AGAP4: variants seen among roughly 807,000 people sequenced by gnomAD.
AGAP4 encodes arf-GAP with GTPase, ANK repeat and PH domain-containing protein 4.
In AGAP4, 13 loss-of-function variants were observed where a neutral mutation model predicts 60.7. That is an observed-to-expected ratio of 0.21 (90% CI 0.14 to 0.34). AGAP4 has a LOEUF of 0.34. Ranked by LOEUF, AGAP4 falls within the 10% of genes least tolerant of loss-of-function variation. The probability of loss-of-function intolerance (pLI) is 1.00; values close to 1 mark genes in which losing one functional copy is unlikely to be tolerated. For synonymous variants in AGAP4, 70 were observed against 339.0 expected, an observed-to-expected ratio of 0.21 and a Z score of 8.72; for missense variants, 169 against 884.0, an observed-to-expected ratio of 0.19 and a Z score of 10.26.
chr10:45,854,004 A>G, upstream of AGAP4: 4 of 590,448 alleles, frequency 6.8e-6, no homozygotes, highest in Non-Finnish European at 9.4e-6. Context: ...GAGATGAGTG[A>G]CCCCATTTTA....
At chr10:45,849,920 T>C (rs1243498143), upstream of AGAP4, among the ~76,000 whole-genome samples, 1 of 151,124 alleles carries the variant, frequency 6.6e-6, no homozygotes, top group African/African-American at 2.4e-5. Flanking sequence ...ATTCGTATAT[T>C]TTTAAAAGAA....
At position 45,831,355 on chromosome 10, in the gene AGAP4, C is replaced by T. The variant is rs1216818715; in HGVS notation, c.533+39G>A. 23 of 1,542,494 alleles carry T rather than the reference C, an allele frequency of 1.5e-5. 1 individual carries two copies. Among genetic ancestry groups the T allele is most frequent in the Middle Eastern group, 1.9e-4 (1 of 5,202 alleles). ...ACTGAGCTTGATATCTTGCAAAGTA[C>T]TTAGCTAGAATAACAAGACAGGTTT... On this transcript the variant is annotated intron_variant, in intron 6 of 7. Coordinates refer to ENST00000616763, the MANE Select transcript of AGAP4 (RefSeq NM_001276343.3).
upstream of AGAP4, among the ~76,000 whole-genome samples, chr10:45,851,183 C>T (rs2917178): frequency 0.012 from 1,765 of 151,680 alleles, 40 homozygotes; most frequent in East Asian, 0.069. Flanking sequence ...CCCTGAGAAG[C>T]TGTGTATAGT....
At chr10:45,834,739 A>G (rs1313427645) in intron 4 of AGAP4, among the ~76,000 whole-genome samples, 6 of 137,116 alleles carry the variant, frequency 4.4e-5, no homozygotes, top group Non-Finnish European at 7.6e-5. Flanking sequence ...TTCTGCAGCA[A>G]TAAAAAGCAG....
chr10:45,841,743 A>T, intron 3 of AGAP4, 56 bp from the exon 4 acceptor site: 1 of 621,618 alleles, frequency 1.6e-6, no homozygotes, highest in Non-Finnish European at 2.7e-6. Flanking sequence ...ATAAAATAAA[A>T]GTAGTTGTTA....
intron 6 of AGAP4, among the ~76,000 whole-genome samples, chr10:45,829,370 T>C (rs1220761264): frequency 6.9e-6 from 1 of 145,610 alleles, no homozygotes; most frequent in African/African-American, 2.5e-5. Flanking sequence ...GTGATTTAAC[T>C]GTGAACTGAA....
intron 6 of AGAP4, among the ~76,000 whole-genome samples, chr10:45,830,765 G>A (rs1287517850): frequency 0.014 from 1,853 of 127,862 alleles, 122 homozygotes; most frequent in Non-Finnish European, 0.023. Context: ...GATTACAGGC[G>A]TGAGCCACCG....
intron 4 of AGAP4, among the ~76,000 whole-genome samples, chr10:45,838,090 T>C (rs1376592022): frequency 6.7e-6 from 1 of 150,030 alleles, no homozygotes; most frequent in Non-Finnish European, 1.5e-5. Context: ...CATATATATA[T>C]ATATATGAGG....
intron 5 of AGAP4, among the ~76,000 whole-genome samples, chr10:45,831,903 A>G (rs1159565658): frequency 6.8e-6 from 1 of 147,580 alleles, no homozygotes; most frequent in Non-Finnish European, 1.5e-5. Context: ...CTATGCCCAG[A>G]TAATGTTTTT....
Position 45,826,947 on chromosome 10 carries a change from C to T in AGAP4, c.1029G>A (p.Lys343=). The T allele has an allele frequency of 7.2e-7, 1 of 1,397,614 alleles. No homozygotes were observed. Among genetic ancestry groups the T allele is most frequent in the Non-Finnish European group, 9.8e-7 (1 of 1,017,910 alleles). 86.6% of individuals were successfully genotyped at this position (1,397,614 alleles called of 1,614,324 possible). A position where few individuals can be genotyped will look rare whatever the true frequency, so the allele number is the denominator to read the frequency against. The change falls in exon 8 of 8, where the codon AAG becomes AAA. Residue 343 remains lysine, a synonymous_variant. Transcript: ENST00000616763. ...AGGCCGATGTGGCTAGGGATGGCCA[C>T]TTTCCTGGGACTTTGATGGTAGATG... is the stretch of plus-strand genomic sequence containing the variant. ...LQTSTIKVPG[K]WPSLATSACT...
chr10:45,849,370 A>G (rs1300114822), upstream of AGAP4, among the ~76,000 whole-genome samples: 2 of 151,782 alleles, frequency 1.3e-5, no homozygotes, highest in Non-Finnish European at 2.9e-5. Context: ...GGGGATTATA[A>G]TTCATGATGA....
chr10:45,844,259 T>C (rs1405782151), intron 3 of AGAP4, 67 bp downstream of exon 3: 12 of 1,577,378 alleles, frequency 7.6e-6, no homozygotes, highest in Non-Finnish European at 1.0e-5. Context: ...TTCTAAATAC[T>C]TTCTATAACC....
At chr10:45,840,128 T>C (rs1481140825) in intron 4 of AGAP4, among the ~76,000 whole-genome samples, 344 of 148,242 alleles carry the variant, frequency 2.3e-3, no homozygotes, top group African/African-American at 7.4e-3. Flanking sequence ...TGTTATAAAA[T>C]TTCAGAACCT....
chr10:45,850,059 AGCTGG>A (rs1409863482), upstream of AGAP4, among the ~76,000 whole-genome samples: 2 of 151,552 alleles, frequency 1.3e-5, no homozygotes, highest in East Asian at 3.9e-4. Flanking sequence ...CCTCCCAAGT[AGCTGG>A]GATTACAGGA....
intron 6 of AGAP4, among the ~76,000 whole-genome samples, chr10:45,829,359 C>T (rs1484862904): frequency 5.5e-5 from 8 of 144,196 alleles, no homozygotes; most frequent in African/African-American, 7.7e-5. Flanking sequence ...TTAAAGAATC[C>T]GTGATTTAAC....
chr10:45,830,939 A>C (rs1407031865), intron 6 of AGAP4, among the ~76,000 whole-genome samples: 97 of 127,286 alleles, frequency 7.6e-4, no homozygotes, highest in African/African-American at 2.8e-3. Flanking sequence ...CAATGAAAAA[A>C]TTCTGTTAAC....
At chr10:45,848,528 T>C (rs1206845545), upstream of AGAP4, among the ~76,000 whole-genome samples, 1 of 151,312 alleles carries the variant, frequency 6.6e-6, no homozygotes, top group South Asian at 2.1e-4. Context: ...GCTATGCTCA[T>C]TTAACCCTCA....
intron 1 of AGAP4, 150 bp from the exon 2 acceptor site, chr10:45,846,905 G>A: frequency 7.5e-7 from 1 of 1,335,718 alleles, no homozygotes; most frequent in Non-Finnish European, 1.0e-6. Flanking sequence ...CAAGAACTGG[G>A]CGATTGGGAG....
intron 6 of AGAP4, among the ~76,000 whole-genome samples, chr10:45,830,614 T>C (rs1338354704): frequency 8.3e-6 from 1 of 120,974 alleles, no homozygotes; most frequent in Non-Finnish European, 1.8e-5. Flanking sequence ...GCCTCCAGAA[T>C]AGGTGGGACT....
Sources: gnomAD v4.1 joint callset for allele counts (sites outside exome capture counted in the v4.1 genomes callset) on GRCh38, gnomAD v4.1.1 for gene constraint, MANE v1.5 for transcripts, NCBI Gene and HGNC (gene_info 2026-07-23, HGNC 2026-07-21) for gene names.